The following CACNA2D3 variants were observed in gnomAD, a reference collection of about 807,000 sequenced individuals.
CACNA2D3 encodes calcium voltage-gated channel auxiliary subunit alpha2delta 3, also known as voltage-dependent calcium channel subunit alpha-2/delta-3.
CACNA2D3 carries 60 observed loss-of-function variants against 160.6 expected under a neutral mutation model. That is an observed-to-expected ratio of 0.37 (90% CI 0.30 to 0.46). The LOEUF is 0.46. Among genes scored for constraint, CACNA2D3 ranks in the 20% least tolerant of loss-of-function variants. CACNA2D3 has a pLI of 1.00. For missense variants in CACNA2D3, 1,205 were observed against 1,365.0 expected (o/e 0.88, Z 1.85); for synonymous variants, 558 against 492.9 (o/e 1.13, Z -1.75).
chr3:54,422,664 A>G (rs900545059), intron 4 of CACNA2D3, among the ~76,000 whole-genome samples: 9 of 150,330 alleles, frequency 6.0e-5, no homozygotes, highest in Non-Finnish European at 1.2e-4. Context: ...CAAAATAATA[A>G]TGATGATGAT....
chr3:54,715,106 A>G (rs895247067), intron 11 of CACNA2D3, among the ~76,000 whole-genome samples: 20 of 152,198 alleles, frequency 1.3e-4, no homozygotes, highest in Non-Finnish European at 2.8e-4. Flanking sequence ...TTCAGAGGAC[A>G]GTTGCAAGTA....
chr3:54,505,276 A>G, intron 5 of CACNA2D3, among the ~76,000 whole-genome samples: 1 of 152,268 alleles, frequency 6.6e-6, no homozygotes, highest in Non-Finnish European at 1.5e-5. Flanking sequence ...GATAATTAGA[A>G]CACCATGTAT....
chr3:54,691,885 T>G (rs895632150), intron 11 of CACNA2D3, among the ~76,000 whole-genome samples: 1 of 132,882 alleles, frequency 7.5e-6, no homozygotes, highest in Non-Finnish European at 1.7e-5. Flanking sequence ...TCTTTATCTT[T>G]TAATTTTGAC....
intron 2 of CACNA2D3, among the ~76,000 whole-genome samples, chr3:54,275,501 T>C (rs1350065572): frequency 2.0e-5 from 3 of 152,256 alleles, no homozygotes; most frequent in Non-Finnish European, 4.4e-5. Context: ...ATAATATATG[T>C]GCTTATTTAG....
chr3:54,622,470 T>C (rs915938298), intron 9 of CACNA2D3, among the ~76,000 whole-genome samples: 1 of 152,068 alleles, frequency 6.6e-6, no homozygotes, highest in African/African-American at 2.4e-5. Flanking sequence ...AGAGATGGGG[T>C]TTCACCATGT....
At chr3:54,854,760 T>G (rs6791823) in intron 17 of CACNA2D3, among the ~76,000 whole-genome samples, 35,201 of 152,074 alleles carry the variant, frequency 0.23, 5,117 homozygotes, top group Non-Finnish European at 0.33. Flanking sequence ...TTTAAAAAAT[T>G]AAATTAATAA....
intron 17 of CACNA2D3, among the ~76,000 whole-genome samples, chr3:54,853,915 G>A (rs1400214835): frequency 2.0e-5 from 3 of 152,200 alleles, no homozygotes; most frequent in South Asian, 2.1e-4. Context: ...CGGAACTTTC[G>A]GTGGTCCCCA....
chr3:54,133,473 A>G (rs1479928598), intron 2 of CACNA2D3, among the ~76,000 whole-genome samples: 1 of 152,190 alleles, frequency 6.6e-6, no homozygotes, highest in African/African-American at 2.4e-5. Flanking sequence ...TATCCTTTGC[A>G]TTGGTGTTAG....
chr3:54,447,620 G>A (rs1166572325), intron 4 of CACNA2D3, among the ~76,000 whole-genome samples: 1 of 152,224 alleles, frequency 6.6e-6, no homozygotes, highest in Non-Finnish European at 1.5e-5. Context: ...ACAGTCATCT[G>A]TTGCTCCTGC....
At chr3:54,570,891 T>C (rs149778903) in intron 8 of CACNA2D3, among the ~76,000 whole-genome samples, 1 of 152,262 alleles carries the variant, frequency 6.6e-6, no homozygotes, top group African/African-American at 2.4e-5. Context: ...TGAAGAGATT[T>C]ATTCTGAGCC....
chr3:54,214,988 C>T (rs1481279717), intron 2 of CACNA2D3, among the ~76,000 whole-genome samples: 4 of 152,110 alleles, frequency 2.6e-5, no homozygotes, highest in Non-Finnish European at 4.4e-5. Context: ...AGTAGGGGTC[C>T]TCAGATGTGA....
rs147931046 is a variant in CACNA2D3, at chr3:54,997,824, T to C, written c.2691-6939T>C. On this transcript the variant is annotated intron_variant, in intron 31 of 37. Transcript: ENST00000474759. ...ACTGTTTTAAACAAATGCCAATGTG[T>C]ATGCCTTAGGAATTGAGAGTGAGTT... 2.4e-4 allele frequency among the ~76,000 whole-genome samples: 37 copies of C among 152,326 alleles called. No individual in the cohort carries two copies. In the East Asian group the frequency reaches 6.4e-3, roughly 26 times the overall value.
In CACNA2D3 at chr3:54,333,390, G is replaced by T. The variant is rs117322083; in HGVS notation, c.321+12832G>T. Among the ~76,000 whole-genome samples the T allele has an allele frequency of 7.2e-5, 11 of 152,098 alleles. No homozygotes were observed. The East Asian group carries it at 2.1e-3, about 29-fold the overall frequency. ...TCTGTGTCTGCACTGCTCATTGGCCGCCTCCCTTTCCCTTTGTGTCTAGGG... is the reference window on the plus strand; with the variant it reads ...TCTGTGTCTGCACTGCTCATTGGCCTCCTCCCTTTCCCTTTGTGTCTAGGG... On this transcript the variant is annotated intron_variant, in intron 3 of 37. Coordinates refer to ENST00000474759, the MANE Select transcript of CACNA2D3 (RefSeq NM_018398.3).
chr3:54,267,770 G>T (rs924099638), intron 2 of CACNA2D3, among the ~76,000 whole-genome samples: 5 of 152,170 alleles, frequency 3.3e-5, no homozygotes, highest in African/African-American at 1.2e-4. Context: ...ATGTTTTGGT[G>T]GCTGTGGGAC....
chr3:54,809,794 T>A (rs1269808260), intron 13 of CACNA2D3, among the ~76,000 whole-genome samples: 1 of 151,694 alleles, frequency 6.6e-6, no homozygotes, highest in Non-Finnish European at 1.5e-5. Flanking sequence ...CCTCTTTCCC[T>A]CCTTCCTTCT....
Position 54,779,094 on chromosome 3 carries a change from C to A in CACNA2D3, c.1380+14743C>A, listed in dbSNP as rs370398273. On this transcript the variant is annotated intron_variant, in intron 13 of 37. Coordinates refer to ENST00000474759, the MANE Select transcript of CACNA2D3 (RefSeq NM_018398.3). Reference sequence around the variant, plus strand: ...ATGATGTTACTTTTGCCCACTGTTACAACAGAAGGGCTTTTTTTTTTGAGA... The same window carrying A: ...ATGATGTTACTTTTGCCCACTGTTAAAACAGAAGGGCTTTTTTTTTTGAGA... 4.6e-5 allele frequency among the ~76,000 whole-genome samples: 7 copies of A among 151,998 alleles called. No individual in the cohort carries two copies. In the South Asian group the frequency reaches 8.3e-4, roughly 18 times the overall value.
chr3:54,148,003 C>T (rs922719757), intron 2 of CACNA2D3, among the ~76,000 whole-genome samples: 5 of 152,234 alleles, frequency 3.3e-5, no homozygotes, highest in African/African-American at 1.2e-4. Flanking sequence ...GACAGGGTTT[C>T]ACCATGCTGG....
intron 17 of CACNA2D3, among the ~76,000 whole-genome samples, chr3:54,854,899 A>G (rs1357432018): frequency 2.6e-5 from 4 of 152,110 alleles, no homozygotes; most frequent in African/African-American, 9.7e-5. Flanking sequence ...ATAATTACCC[A>G]CCTCTGTGAG....
At chr3:55,009,564 CAGCT>C in intron 34 of CACNA2D3, 121 bp downstream of exon 34, 2 of 896,626 alleles carry the variant, frequency 2.2e-6, no homozygotes, top group Non-Finnish European at 3.6e-6. Flanking sequence ...GATGATTTTT[CAGCT>C]CTGTCAGCAA....
Sources: gnomAD v4.1 joint callset for allele counts (sites outside exome capture counted in the v4.1 genomes callset) on GRCh38, gnomAD v4.1.1 for gene constraint, MANE v1.5 for transcripts, NCBI Gene and HGNC (gene_info 2026-07-23, HGNC 2026-07-21) for gene names.